The following ARHGAP44 variants were observed in gnomAD, a reference collection of about 807,000 sequenced individuals.
The protein encoded by ARHGAP44 is rho GTPase-activating protein 44.
In ARHGAP44, 43 loss-of-function variants were observed where a neutral mutation model predicts 106.8. The ratio of observed to expected loss-of-function variants is 0.40; its 90% CI spans 0.32 to 0.52. The LOEUF is 0.52. Among genes scored for constraint, ARHGAP44 ranks in the 20% least tolerant of loss-of-function variants. ARHGAP44 has a pLI of 0.48. For synonymous variants in ARHGAP44, 439 were observed against 410.3 expected (o/e 1.07, Z -0.85); for missense variants, 866 against 1,050.5 (o/e 0.82, Z 2.43).
At chr17:12,981,400 C>CTTT (rs113607267) in intron 19 of ARHGAP44, among the ~76,000 whole-genome samples, 1 of 145,772 alleles carries the variant, frequency 6.9e-6, no homozygotes. Flanking sequence ...TTGGTTATGT[C>CTTT]TTTTTTTTTT....
chr17:12,839,400 A>G (rs1016400122), intron 1 of ARHGAP44, among the ~76,000 whole-genome samples: 1 of 152,174 alleles, frequency 6.6e-6, no homozygotes, highest in Non-Finnish European at 1.5e-5. Flanking sequence ...TGTGAGCTTT[A>G]TTAGTAGAAA....
chr17:12,894,685 A>G (rs2037150817), intron 1 of ARHGAP44, among the ~76,000 whole-genome samples: 1 of 151,550 alleles, frequency 6.6e-6, no homozygotes, highest in South Asian at 2.1e-4. Flanking sequence ...AAACAAAGGC[A>G]TACATTTGTT....
chr17:12,875,771 C>T (rs2036536304), intron 1 of ARHGAP44, among the ~76,000 whole-genome samples: 2 of 152,058 alleles, frequency 1.3e-5, no homozygotes, highest in Non-Finnish European at 2.9e-5. Context: ...TGGTGAAACC[C>T]CGTCTCTACT....
rs757662639 is a variant in ARHGAP44 at position 12,952,482 on chromosome 17, T to C, written c.1056-19T>C. 1 of 1,555,704 alleles carries C rather than the reference T, an allele frequency of 6.4e-7. No homozygotes were observed. Among genetic ancestry groups the C allele is most frequent in the East Asian group, 2.4e-5 (1 of 42,300 alleles). On this transcript the variant is annotated intron_variant, in intron 12 of 20. Coordinates refer to ENST00000379672, the MANE Select transcript of ARHGAP44 (RefSeq NM_014859.6). ...ATTGATTCGTGCTCAACCAATGACC[T>C]TTCCTATCAATTTCTCAGTGTCCAG...
At chr17:12,940,364 A>G (rs2038673887) in intron 7 of ARHGAP44, among the ~76,000 whole-genome samples, 1 of 152,234 alleles carries the variant, frequency 6.6e-6, no homozygotes, top group Admixed American at 6.5e-5. Flanking sequence ...GCTATGAGTG[A>G]TTCCATAGAA....
intron 6 of ARHGAP44, among the ~76,000 whole-genome samples, chr17:12,921,462 C>G (rs2038082831): frequency 6.6e-6 from 1 of 152,174 alleles, no homozygotes; most frequent in African/African-American, 2.4e-5. Flanking sequence ...CCTTCTGCCT[C>G]AGGTCTCCCA....
chr17:12,908,800 A>G, intron 3 of ARHGAP44, 97 bp from the exon 4 acceptor site: 1 of 936,402 alleles, frequency 1.1e-6, no homozygotes, highest in Middle Eastern at 2.2e-4. Flanking sequence ...TTCATAGTTA[A>G]TATAATACCT....
rs1469291875 is a variant in ARHGAP44 at position 12,984,524 on chromosome 17, C to T, written c.1940-7C>T. On this transcript the variant is annotated splice_polypyrimidine_tract_variant and splice_region_variant and intron_variant, in intron 19 of 20. Transcript: ENST00000379672. ...GTTTTGTTGTTGTGTTGTGTTTTCT[C>T]TTTCAGTTTCAAAGAAGCTGGCACC... The T allele has an allele frequency of 6.6e-7, 1 of 1,512,602 alleles. No individual in the cohort carries two copies. Among genetic ancestry groups the T allele is most frequent in the Non-Finnish European group, 8.8e-7 (1 of 1,135,528 alleles). The allele number at this position is 1,512,602 out of a possible 1,614,324, so 93.7% of individuals were successfully genotyped here.
rs2035597609 is a variant in ARHGAP44, at chr17:12,847,358, A to G, written c.54-47582A>G. 1.3e-5 allele frequency among the ~76,000 whole-genome samples: 2 copies of G among 152,122 alleles called. 1 individual carries two copies. Among genetic ancestry groups the G allele is most frequent in the South Asian group, 4.1e-4 (2 of 4,822 alleles). On this transcript the variant is annotated intron_variant, in intron 1 of 20. Coordinates refer to ENST00000379672, the MANE Select transcript of ARHGAP44 (RefSeq NM_014859.6). ...AGCTGAACTCATGAGGTGTGGAGGAATAAGCTACCATTTATGATGCTTTGT... is the reference window on the plus strand; with the variant it reads ...AGCTGAACTCATGAGGTGTGGAGGAGTAAGCTACCATTTATGATGCTTTGT...
Position 12,914,644 on chromosome 17 carries a change from A to T in ARHGAP44, c.276-1256A>T, listed in dbSNP as rs1227459157. Among the ~76,000 whole-genome samples, 12 of 152,070 alleles carry T rather than the reference A, an allele frequency of 7.9e-5. No individual in the cohort carries two copies. The South Asian group carries it at 2.5e-3, about 32-fold the overall frequency. ...ACCCCATGTCTACTAAAAATACAAAAAATTAGCCGGGTGTGGTGGCAGCCT... is the reference window on the plus strand; with the variant it reads ...ACCCCATGTCTACTAAAAATACAAATAATTAGCCGGGTGTGGTGGCAGCCT... On this transcript the variant is annotated intron_variant, in intron 4 of 20. Transcript: ENST00000379672.
At chr17:12,987,892 A>G (rs558168006) in intron 20 of ARHGAP44, 3 of 152,334 alleles carry the variant, frequency 2.0e-5, no homozygotes, top group South Asian at 2.1e-4. Context: ...TCCTCAAAGC[A>G]TAACTGAGGG....
chr17:12,800,843 C>G (rs975406253), intron 1 of ARHGAP44, among the ~76,000 whole-genome samples: 2 of 152,188 alleles, frequency 1.3e-5, no homozygotes, highest in African/African-American at 2.4e-5. Context: ...CTTCTCTCCC[C>G]CTAATCTTGT....
At chr17:12,864,142 C>T (rs2036168862) in intron 1 of ARHGAP44, among the ~76,000 whole-genome samples, 1 of 152,124 alleles carries the variant, frequency 6.6e-6, no homozygotes, top group African/African-American at 2.4e-5. Flanking sequence ...TAAACTTCAC[C>T]TCTCGGTGGA....
At chr17:12,954,372 G>A (rs972053938) in intron 13 of ARHGAP44, among the ~76,000 whole-genome samples, 9 of 152,222 alleles carry the variant, frequency 5.9e-5, no homozygotes, top group Non-Finnish European at 1.0e-4. Context: ...TCCGAAGAGC[G>A]GGAATCGGGT....
chr17:12,808,323 C>G (rs1279950277), intron 1 of ARHGAP44, among the ~76,000 whole-genome samples: 1 of 152,262 alleles, frequency 6.6e-6, no homozygotes, highest in Non-Finnish European at 1.5e-5. Flanking sequence ...AGTGGGCACT[C>G]TGTGTGGGGC....
At chr17:12,922,927 G>A (rs2038127692) in intron 6 of ARHGAP44, among the ~76,000 whole-genome samples, 1 of 152,076 alleles carries the variant, frequency 6.6e-6, no homozygotes, top group Non-Finnish European at 1.5e-5. Context: ...TGTCATTAGG[G>A]ACCTCTCCCC....
At chr17:12,874,559 C>T (rs2036496890) in intron 1 of ARHGAP44, among the ~76,000 whole-genome samples, 1 of 152,006 alleles carries the variant, frequency 6.6e-6, no homozygotes, top group Non-Finnish European at 1.5e-5. Flanking sequence ...GGTGAAACCC[C>T]GTCTATACTA....
At chr17:12,900,627 G>A (rs972815982) in intron 3 of ARHGAP44, among the ~76,000 whole-genome samples, 2 of 152,166 alleles carry the variant, frequency 1.3e-5, no homozygotes, top group African/African-American at 2.4e-5. Flanking sequence ...AGTCTGCCAC[G>A]CAAGGCGGTG....
At chr17:12,926,578 C>T (rs2038254596) in intron 6 of ARHGAP44, among the ~76,000 whole-genome samples, 1 of 146,366 alleles carries the variant, frequency 6.8e-6, no homozygotes, top group Non-Finnish European at 1.5e-5. Context: ...AATAAAATTT[C>T]TTATAAAAAG....
Sources: allele counts gnomAD v4.1 joint callset (sites outside exome capture counted in the v4.1 genomes callset), GRCh38; gene constraint gnomAD v4.1.1; transcripts MANE v1.5; gene names NCBI Gene and HGNC (gene_info 2026-07-23, HGNC 2026-07-21).